SYTL5: variants seen among roughly 807,000 people sequenced by gnomAD.
The protein encoded by SYTL5 is synaptotagmin-like protein 5.
SYTL5 carries 34 observed loss-of-function variants against 55.9 expected under a neutral mutation model. The observed-to-expected ratio is 0.61, with a 90% CI of 0.46 to 0.81. The LOEUF is 0.81. Among genes scored for constraint, SYTL5 ranks in the 30% least tolerant of loss-of-function variants. The probability of loss-of-function intolerance (pLI) is 0.00; values close to 1 mark genes in which losing one functional copy is unlikely to be tolerated. For synonymous variants in SYTL5, 221 were observed against 188.7 expected (o/e 1.17, Z -1.40); for missense variants, 637 against 546.7 (o/e 1.17, Z -1.65).
At position 38,032,615 on chromosome X, in the gene SYTL5, T is replaced by C. The variant is rs182658520; in HGVS notation, c.-356-919T>C. The stretch of plus-strand genomic sequence containing the variant: ...GATCTTGAATTTCCTAATTTGCCTA[T>C]ATTTATACTATGAATGTAGGCATTT... On this transcript the variant is annotated intron_variant, in intron 1 of 16. Coordinates refer to ENST00000297875, the MANE Select transcript of SYTL5 (RefSeq NM_138780.3). 5.4e-5 allele frequency among the ~76,000 whole-genome samples: 6 copies of C among 111,701 alleles called. No homozygotes were observed. The Admixed American group carries it at 5.7e-4, about 11-fold the overall frequency.
intron 10 of SYTL5, among the ~76,000 whole-genome samples, chrX:38,104,621 C>T (rs1357008036): frequency 1.8e-5 from 2 of 111,629 alleles, no homozygotes; most frequent in African/African-American, 6.5e-5. Flanking sequence ...GTCTCTACTT[C>T]CAGAAATTGG....
rs1479719480 is a variant in SYTL5 at position 38,072,125 on chromosome X, T to C, written c.408T>C (p.Thr136=). The C allele has an allele frequency of 8.3e-7, 1 of 1,210,394 alleles. No individual in the cohort carries two copies. Among genetic ancestry groups the C allele is most frequent in the East Asian group, 3.0e-5 (1 of 33,826 alleles). The stretch of plus-strand genomic sequence containing the variant: ...TCAAGCAAGTCAATGTTCTCGGCAC[T>C]GATGTTGTCCGACAGTCCATTTTAA... ...KRFKQVNVLG[T]DVVRQSILRR... Residue 136 remains threonine, a synonymous_variant, in exon 4 of 17, where the codon ACT becomes ACC. Coordinates refer to ENST00000297875, the MANE Select transcript of SYTL5 (RefSeq NM_138780.3).
At chrX:37,912,073 T>A in the SYTL5 span, among the ~76,000 whole-genome samples, 1 of 112,408 alleles carries the variant, frequency 8.9e-6, no homozygotes, top group Non-Finnish European at 1.9e-5. Context: ...TGCTAAAGTA[T>A]TTCCCTTACA....
Position 38,061,867 on chromosome X carries a change from C to G in SYTL5, c.329+7445C>G, listed in dbSNP as rs748646577. On this transcript the variant is annotated intron_variant, in intron 3 of 16. Transcript: ENST00000297875. ...AGGCAGTTGCAGTCCAACACAAAGA[C>G]AGTCATAATGATCATTTTTTCTAAT... Among the ~76,000 whole-genome samples, 24 of 112,148 alleles carry G rather than the reference C, an allele frequency of 2.1e-4. 1 individual carries two copies. In the East Asian group the frequency reaches 3.9e-3, roughly 18 times the overall value.
At chrX:38,055,794 A>G (rs1317672675) in intron 3 of SYTL5, among the ~76,000 whole-genome samples, 1 of 111,891 alleles carries the variant, frequency 8.9e-6, no homozygotes, top group East Asian at 2.8e-4. Flanking sequence ...AATTCAAACT[A>G]TGTTTTAATA....
chrX:37,991,013 T>TTGCCTTGCTGA, the SYTL5 span: 1 of 1,212,007 alleles, frequency 8.3e-7, no homozygotes, highest in Non-Finnish European at 1.1e-6. Context: ...CCTTGCTCGA[T>TTGCCTTGCTGA]TGCCTTGCTG....
the SYTL5 span, among the ~76,000 whole-genome samples, chrX:37,925,308 A>G: frequency 8.9e-5 from 10 of 111,953 alleles, no homozygotes; most frequent in African/African-American, 3.2e-4. Flanking sequence ...GGTTGATTCC[A>G]TAACTTGGCC....
chrX:37,991,412 G>T, the SYTL5 span: 1 of 583,838 alleles, frequency 1.7e-6, no homozygotes, highest in Non-Finnish European at 2.6e-6. Context: ...AGGCGGGGAA[G>T]GGGTGGCCAG....
chrX:37,975,591 G>A, the SYTL5 span, among the ~76,000 whole-genome samples: 2 of 111,641 alleles, frequency 1.8e-5, no homozygotes, highest in Non-Finnish European at 3.8e-5. Flanking sequence ...GGTGTCCATG[G>A]ATTTATCATG....
the SYTL5 span, among the ~76,000 whole-genome samples, chrX:37,940,628 A>G: frequency 7.0e-4 from 66 of 93,754 alleles, no homozygotes; most frequent in Non-Finnish European, 1.3e-3. Flanking sequence ...ATATATATGT[A>G]TATAATTTGT....
At chrX:38,094,932 C>G (rs752636454) in intron 8 of SYTL5, among the ~76,000 whole-genome samples, 55 of 111,845 alleles carry the variant, frequency 4.9e-4, no homozygotes, top group Non-Finnish European at 1.0e-3. Context: ...CATTTTACTT[C>G]ATTATCACAA....
chrX:37,937,609 C>T, the SYTL5 span, among the ~76,000 whole-genome samples: 1 of 112,044 alleles, frequency 8.9e-6, no homozygotes, highest in African/African-American at 3.3e-5. Flanking sequence ...GAAAATCTAG[C>T]CACGTCCACC....
rs781656606 is a variant in SYTL5, at chrX:38,126,822, T to G, written c.*92T>G. The G allele has an allele frequency of 1.6e-4, 152 of 951,156 alleles. No homozygotes were observed. The African/African-American group carries it at 2.6e-3, about 16-fold the overall frequency. The allele number at this position is 951,156 out of a possible 1,213,427, so 78.4% of individuals were successfully genotyped here. ...ACTGAGACCTGGGATTCTGCTTCCC[T>G]GCCATTTCTCACCTGACAGTGTTGG... is the stretch of plus-strand genomic sequence containing the variant. On this transcript the variant is annotated 3_prime_UTR_variant, in exon 17 of 17. Transcript: ENST00000297875.
the SYTL5 span, among the ~76,000 whole-genome samples, chrX:37,910,991 A>T: frequency 1.6e-5 from 1 of 62,073 alleles, no homozygotes. Context: ...TTTTGGACAG[A>T]GTCTCACTCT....
At chrX:38,050,447 A>T (rs1475147718) in intron 2 of SYTL5, among the ~76,000 whole-genome samples, 3 of 111,847 alleles carry the variant, frequency 2.7e-5, no homozygotes, top group Non-Finnish European at 5.6e-5. Context: ...AACCATCAAG[A>T]TAGTTAATCT....
intron 1 of SYTL5, among the ~76,000 whole-genome samples, chrX:38,030,576 G>A (rs757142436): frequency 1.8e-5 from 2 of 112,238 alleles, no homozygotes; most frequent in Non-Finnish European, 3.8e-5. Flanking sequence ...AATCTCCCAG[G>A]TGCTCAAAGA....
intron 13 of SYTL5, among the ~76,000 whole-genome samples, chrX:38,112,429 T>C (rs780415229): frequency 1.1e-4 from 12 of 112,071 alleles, no homozygotes; most frequent in African/African-American, 3.9e-4. Context: ...AGATTAGACT[T>C]GTCCCTATAG....
the SYTL5 span, among the ~76,000 whole-genome samples, chrX:37,959,759 C>T: frequency 8.9e-6 from 1 of 111,869 alleles, no homozygotes; most frequent in Non-Finnish European, 1.9e-5. Flanking sequence ...ATTTCTGCCA[C>T]CATCCTGAGT....
At chrX:37,904,880 A>G in the SYTL5 span, among the ~76,000 whole-genome samples, 2 of 111,016 alleles carry the variant, frequency 1.8e-5, no homozygotes, top group Non-Finnish European at 3.8e-5. Flanking sequence ...TCTGAACTCT[A>G]TAATCCCTCA....
Sources: allele counts gnomAD v4.1 joint callset (sites outside exome capture counted in the v4.1 genomes callset), GRCh38; gene constraint gnomAD v4.1.1; transcripts MANE v1.5; gene names NCBI Gene and HGNC (gene_info 2026-07-23, HGNC 2026-07-21).